AFF3: variants seen among roughly 807,000 people sequenced by gnomAD.
AFF3 encodes the protein ALF transcription elongation factor 3, also known as AF4/FMR2 family member 3.
In AFF3, 32 loss-of-function variants were observed where a neutral mutation model predicts 129.7. The ratio of observed to expected loss-of-function variants is 0.25; its 90% CI spans 0.19 to 0.33. AFF3 has a LOEUF of 0.33. Ranked by LOEUF, AFF3 falls within the 10% of genes least tolerant of loss-of-function variation. AFF3 has a pLI of 1.00. For missense variants in AFF3, 1,373 were observed against 1,592.0 expected (o/e 0.86, Z 2.34); for synonymous variants, 644 against 635.4 (o/e 1.01, Z -0.20).
chr2:99,996,412 T>C (rs1680833021), intron 7 of AFF3, among the ~76,000 whole-genome samples: 1 of 152,020 alleles, frequency 6.6e-6, no homozygotes, highest in African/African-American at 2.4e-5. Context: ...TTTGTTGTAG[T>C]TGTTGTTGTT....
intron 8 of AFF3, among the ~76,000 whole-genome samples, chr2:99,770,337 G>C (rs1480046970): frequency 6.6e-6 from 1 of 152,062 alleles, no homozygotes; most frequent in Non-Finnish European, 1.5e-5. Flanking sequence ...CCTCAGTCAA[G>C]TCGTGGTGAG....
At chr2:99,809,925 C>T (rs947247300) in intron 8 of AFF3, among the ~76,000 whole-genome samples, 1 of 152,142 alleles carries the variant, frequency 6.6e-6, no homozygotes, top group Non-Finnish European at 1.5e-5. Context: ...AGGAGACCTC[C>T]AGTAAATACT....
At chr2:99,851,498 C>G (rs577208145) in intron 7 of AFF3, among the ~76,000 whole-genome samples, 1 of 152,230 alleles carries the variant, frequency 6.6e-6, no homozygotes. Flanking sequence ...CACTTTGTCT[C>G]ATACTCCGAG....
intron 4 of AFF3, among the ~76,000 whole-genome samples, chr2:100,025,424 C>A (rs1178600574): frequency 6.6e-6 from 1 of 152,140 alleles, no homozygotes; most frequent in Non-Finnish European, 1.5e-5. Context: ...GGAAACACAT[C>A]CCATGCTCAT....
intron 21 of AFF3, among the ~76,000 whole-genome samples, chr2:99,559,906 G>C (rs940352125): frequency 2.0e-5 from 3 of 152,248 alleles, no homozygotes; most frequent in African/African-American, 7.2e-5. Flanking sequence ...AGAAAGGGCT[G>C]ACAGGTAAAG....
intron 4 of AFF3, among the ~76,000 whole-genome samples, chr2:100,069,403 T>G (rs1020824536): frequency 6.6e-6 from 1 of 152,204 alleles, no homozygotes; most frequent in Non-Finnish European, 1.5e-5. Context: ...CAATAAACAT[T>G]TTTAGCCTAT....
At chr2:99,742,101 A>G (rs1680770403) in intron 10 of AFF3, among the ~76,000 whole-genome samples, 1 of 152,148 alleles carries the variant, frequency 6.6e-6, no homozygotes, top group Non-Finnish European at 1.5e-5. Flanking sequence ...CACACCTATA[A>G]TCTCAGCACT....
chr2:99,858,778 TCAGGAAAA>T (rs1690729969), intron 7 of AFF3, among the ~76,000 whole-genome samples: 1 of 152,034 alleles, frequency 6.6e-6, no homozygotes, highest in African/African-American at 2.4e-5. Context: ...AGGGAGAGGA[TCAGGAAAA>T]ATAACTAAAG....
chr2:99,563,242 G>A (rs557844190), intron 20 of AFF3, among the ~76,000 whole-genome samples: 1 of 151,642 alleles, frequency 6.6e-6, no homozygotes, highest in African/African-American at 2.4e-5. Flanking sequence ...CCAGGCTGGA[G>A]TGCAGTGGCG....
intron 10 of AFF3, among the ~76,000 whole-genome samples, chr2:99,732,869 A>G (rs1252936888): frequency 6.7e-6 from 1 of 149,060 alleles, no homozygotes; most frequent in African/African-American, 2.5e-5. Flanking sequence ...TCAAGGTTTT[A>G]AAGTTTTTTC....
chr2:99,809,813 T>C lies in AFF3; in HGVS notation c.921+27664A>G, dbSNP rs546525700. 9.2e-4 allele frequency among the ~76,000 whole-genome samples: 140 copies of C among 152,358 alleles called. 1 individual carries two copies. Among genetic ancestry groups the C allele is most frequent in the Admixed American group, 1.3e-3 (20 of 15,306 alleles). ...CTTCCATGATTTTTTGCAAGCTTCT[T>C]ACTCATTGTTCACTAACTCCTTTGG... On this transcript the variant is annotated intron_variant, in intron 8 of 24. Transcript: ENST00000672756.
At chr2:99,553,764 A>G (rs1274236588) in intron 24 of AFF3, among the ~76,000 whole-genome samples, 1 of 151,934 alleles carries the variant, frequency 6.6e-6, no homozygotes, top group Admixed American at 6.6e-5. Context: ...ATACAAAAAA[A>G]TTAGCTGGGA....
chr2:99,817,096 A>T (rs1186397033), intron 8 of AFF3, among the ~76,000 whole-genome samples: 1 of 152,156 alleles, frequency 6.6e-6, no homozygotes, highest in East Asian at 1.9e-4. Flanking sequence ...AGTAGGAGAG[A>T]TGAAGGACAT....
At chr2:99,605,420 C>T (rs888874004) in intron 13 of AFF3, among the ~76,000 whole-genome samples, 6 of 152,130 alleles carry the variant, frequency 3.9e-5, no homozygotes, top group South Asian at 2.1e-4. Flanking sequence ...CCTGGAAGGG[C>T]GCTGGTAGCT....
At chr2:99,632,007 AC>A (rs1683161773) in intron 13 of AFF3, among the ~76,000 whole-genome samples, 1 of 77,942 alleles carries the variant, frequency 1.3e-5, no homozygotes, top group African/African-American at 5.2e-5. Context: ...CCTTGCCAAC[AC>A]TTTTTTTTTT....
At chr2:99,601,771 G>T in intron 13 of AFF3, 150 bp from the exon 14 acceptor site, 2 of 970,968 alleles carry the variant, frequency 2.1e-6, no homozygotes, top group Non-Finnish European at 2.9e-6. Context: ...CAAAGAGCAG[G>T]CATCGAGGTC....
At chr2:100,037,321 G>A (rs1388854706) in intron 4 of AFF3, among the ~76,000 whole-genome samples, 1 of 148,544 alleles carries the variant, frequency 6.7e-6, no homozygotes, top group African/African-American at 2.5e-5. Context: ...ACTATACAGG[G>A]TATGATCTGA....
intron 4 of AFF3, among the ~76,000 whole-genome samples, chr2:100,101,822 A>G (rs1473683666): frequency 6.7e-6 from 1 of 148,682 alleles, no homozygotes; most frequent in African/African-American, 2.5e-5. Context: ...AGGTTACCCT[A>G]TCTTCCCATC....
chr2:99,552,249 G>T (rs1674479516), intron 24 of AFF3, among the ~76,000 whole-genome samples: 1 of 152,126 alleles, frequency 6.6e-6, no homozygotes, highest in African/African-American at 2.4e-5. Flanking sequence ...CATTAGCCAG[G>T]TGTGGTGGCG....
Sources: allele counts gnomAD v4.1 joint callset (sites outside exome capture counted in the v4.1 genomes callset), GRCh38; gene constraint gnomAD v4.1.1; transcripts MANE v1.5; gene names NCBI Gene and HGNC (gene_info 2026-07-23, HGNC 2026-07-21).